GAB2: variants seen among roughly 807,000 people sequenced by gnomAD.
GAB2 encodes GRB2 associated binding protein 2.
GAB2 carries 26 observed loss-of-function variants against 65.5 expected under a neutral mutation model. The observed-to-expected ratio is 0.40, with a 90% CI of 0.29 to 0.55. The LOEUF (loss-of-function observed/expected upper bound fraction) is 0.55. Ranked by LOEUF, GAB2 falls within the 20% of genes least tolerant of loss-of-function variation. GAB2 has a pLI of 0.53. For synonymous variants in GAB2, 321 were observed against 329.6 expected, an observed-to-expected ratio of 0.97 and a Z score of 0.28; for missense variants, 884 against 875.8, an observed-to-expected ratio of 1.01 and a Z score of -0.12.
rs199527066 is a variant in GAB2 at position 78,231,317 on chromosome 11, T to TGCGC, written c.621-4270_621-4267dup. Among the ~76,000 whole-genome samples, 55 of 143,808 alleles carry TGCGC rather than the reference T, an allele frequency of 3.8e-4. 1 individual carries two copies. Among genetic ancestry groups the TGCGC allele is most frequent in the African/African-American group, 1.4e-3 (50 of 35,430 alleles). The allele number at this position is 143,808 out of a possible 152,430, so 94.3% of individuals were successfully genotyped here. A position where few individuals can be genotyped will look rare whatever the true frequency, so the allele number is the denominator to read the frequency against. ...TGCCACCATACAGTCTCTCCCTTGG[T>TGCGC]GCGCGCGCGCGCGTGTGTGGTGTGT... On this transcript the variant is annotated intron_variant, in intron 3 of 9. Coordinates refer to ENST00000361507, the MANE Select transcript of GAB2 (RefSeq NM_080491.3).
intron 3 of GAB2, among the ~76,000 whole-genome samples, chr11:78,247,091 T>A (rs1277049777): frequency 2.0e-5 from 3 of 152,200 alleles, no homozygotes; most frequent in Non-Finnish European, 4.4e-5. Flanking sequence ...TGGGGTTTTT[T>A]ATGACATTTT....
At chr11:78,303,091 A>C (rs1464884487) in intron 1 of GAB2, among the ~76,000 whole-genome samples, 3 of 152,236 alleles carry the variant, frequency 2.0e-5, no homozygotes, top group African/African-American at 4.8e-5. Flanking sequence ...AATTGGGTTC[A>C]GTGTATACTG....
chr11:78,232,620 A>G (rs1435277328), intron 3 of GAB2, among the ~76,000 whole-genome samples: 2 of 152,260 alleles, frequency 1.3e-5, no homozygotes, highest in Non-Finnish European at 2.9e-5. Context: ...AATACATATT[A>G]TCTAGTACTT....
intron 1 of GAB2, among the ~76,000 whole-genome samples, chr11:78,379,631 C>A (rs746101281): frequency 6.6e-6 from 1 of 152,192 alleles, no homozygotes; most frequent in Non-Finnish European, 1.5e-5. Context: ...ATTTTAACAT[C>A]AAAATCAGAA....
intron 3 of GAB2, among the ~76,000 whole-genome samples, chr11:78,230,883 T>C (rs1284906616): frequency 2.0e-5 from 3 of 152,230 alleles, no homozygotes; most frequent in South Asian, 2.1e-4. Context: ...CCTTTAGTAT[T>C]TTCATGTAAA....
At position 78,360,788 on chromosome 11, in the gene GAB2, G is replaced by A. The variant is rs553311796; in HGVS notation, c.75+56858C>T. On this transcript the variant is annotated intron_variant, in intron 1 of 9. Transcript: ENST00000361507. ...GCTGGAGAATCGCTTGAACTTAGGAGGCGGCAGTTGCAGTGAGCCAAGATC... is the reference window on the plus strand; with the variant it reads ...GCTGGAGAATCGCTTGAACTTAGGAAGCGGCAGTTGCAGTGAGCCAAGATC... 9.9e-5 allele frequency among the ~76,000 whole-genome samples: 15 copies of A among 152,280 alleles called. No individual in the cohort carries two copies. In the South Asian group the frequency reaches 2.7e-3, roughly 27 times the overall value.
In GAB2 at chr11:78,340,799, G is replaced by C. The variant is rs1024887149; in HGVS notation, c.76-59898C>G. 1.6e-4 allele frequency among the ~76,000 whole-genome samples: 25 copies of C among 152,116 alleles called. 2 individuals are homozygous for C. The highest frequency in any genetic ancestry group is 1.2e-3 in the Admixed American group (18 of 15,284). ...CTCACAACAGATGACCCTAGGAAAG[G>C]GTGTATCTCTCAAAGCCTTTAACCA... On this transcript the variant is annotated intron_variant, in intron 1 of 9. Coordinates refer to ENST00000361507, the MANE Select transcript of GAB2 (RefSeq NM_080491.3).
intron 1 of GAB2, among the ~76,000 whole-genome samples, chr11:78,369,615 T>A (rs1856541688): frequency 6.6e-6 from 1 of 152,214 alleles, no homozygotes; most frequent in African/African-American, 2.4e-5. Flanking sequence ...CAAGGTAGTA[T>A]CTGAATAAAA....
intron 1 of GAB2, among the ~76,000 whole-genome samples, chr11:78,347,822 A>G (rs757394809): frequency 6.6e-6 from 1 of 152,214 alleles, no homozygotes; most frequent in Non-Finnish European, 1.5e-5. Flanking sequence ...AGGAAAGGGC[A>G]TGACACAAAC....
chr11:78,332,745 A>G (rs1387675210), intron 1 of GAB2, among the ~76,000 whole-genome samples: 1 of 152,240 alleles, frequency 6.6e-6, no homozygotes, highest in African/African-American at 2.4e-5. Flanking sequence ...AAAAAGTAAC[A>G]TTTAGGAGAC....
At chr11:78,223,387 G>A (rs1565417051) in intron 6 of GAB2, 25 bp downstream of exon 6, 1 of 1,490,234 alleles carries the variant, frequency 6.7e-7, no homozygotes, top group South Asian at 1.4e-5. Flanking sequence ...GTCCAGAGAT[G>A]GGACAGGGGA....
At chr11:78,293,639 C>A (rs1866741364) in intron 1 of GAB2, among the ~76,000 whole-genome samples, 1 of 152,056 alleles carries the variant, frequency 6.6e-6, no homozygotes, top group South Asian at 2.1e-4. Flanking sequence ...TCCTACATGC[C>A]ACTGTGATCA....
intron 1 of GAB2, among the ~76,000 whole-genome samples, chr11:78,350,669 T>A (rs943451223): frequency 7.2e-5 from 11 of 152,270 alleles, no homozygotes; most frequent in African/African-American, 2.6e-4. Context: ...AGTTAGGAAC[T>A]AAATGCTCTA....
intron 1 of GAB2, among the ~76,000 whole-genome samples, chr11:78,366,646 TG>T (rs1355004347): frequency 7.4e-6 from 1 of 134,312 alleles, no homozygotes; most frequent in Non-Finnish European, 1.6e-5. Context: ...AAAGTGAGGA[TG>T]GGGGGTTAAT....
At chr11:78,390,674 G>A (rs183652964) in intron 1 of GAB2, among the ~76,000 whole-genome samples, 6 of 152,240 alleles carry the variant, frequency 3.9e-5, no homozygotes, top group Non-Finnish European at 7.4e-5. Context: ...GTCCAATACC[G>A]CGATCTCCTC....
intron 1 of GAB2, among the ~76,000 whole-genome samples, chr11:78,351,697 G>A (rs1483903985): frequency 6.6e-6 from 1 of 152,136 alleles, no homozygotes; most frequent in Non-Finnish European, 1.5e-5. Flanking sequence ...GCATACTGCT[G>A]GGAGAAGACA....
At chr11:78,407,675 A>AAGAAATAAAGAAAGAAAGAGATGGC (rs1857068542) in intron 1 of GAB2, among the ~76,000 whole-genome samples, 20 of 147,724 alleles carry the variant, frequency 1.4e-4, no homozygotes, top group African/African-American at 5.3e-4. Context: ...GAAAGAAAGA[A>AAGAAATAAAGAAAGAAAGAGATGGC]AGAAAGAAAG....
intron 1 of GAB2, among the ~76,000 whole-genome samples, chr11:78,410,386 C>A (rs968103559): frequency 6.6e-6 from 1 of 152,194 alleles, no homozygotes; most frequent in African/African-American, 2.4e-5. Flanking sequence ...TGCCTGCAAT[C>A]CCAGCTGCTC....
chr11:78,355,826 A>G (rs1184090453), intron 1 of GAB2, among the ~76,000 whole-genome samples: 4 of 152,040 alleles, frequency 2.6e-5, no homozygotes, highest in Non-Finnish European at 5.9e-5. Context: ...CAAACTCCTT[A>G]TAGGACCCTG....
Sources: gnomAD v4.1 joint callset for allele counts (sites outside exome capture counted in the v4.1 genomes callset) on GRCh38, gnomAD v4.1.1 for gene constraint, MANE v1.5 for transcripts, NCBI Gene and HGNC (gene_info 2026-07-23, HGNC 2026-07-21) for gene names.